The following SYCP2L variants were observed in gnomAD, a reference collection of about 807,000 sequenced individuals.
The protein encoded by SYCP2L is synaptonemal complex protein 2 like.
SYCP2L carries 98 observed loss-of-function variants against 125.8 expected under a neutral mutation model. That is an observed-to-expected ratio of 0.78 (90% CI 0.66 to 0.92). The LOEUF is 0.92. Among genes scored for constraint, SYCP2L ranks in the 40% least tolerant of loss-of-function variants. The pLI, the probability that SYCP2L is intolerant of heterozygous loss-of-function variation, is 0.00. For synonymous variants in SYCP2L, 317 were observed against 325.4 expected, an observed-to-expected ratio of 0.97 and a Z score of 0.28; for missense variants, 842 against 936.4, an observed-to-expected ratio of 0.90 and a Z score of 1.32.
At chr6:10,927,448 G>T (rs2113350742) in intron 17 of SYCP2L, 81 bp downstream of exon 17, 1 of 1,228,450 alleles carries the variant, frequency 8.1e-7, no homozygotes, top group East Asian at 2.5e-5. Context: ...AAATTTTAAA[G>T]TTGGGCATCC....
intron 23 of SYCP2L, among the ~76,000 whole-genome samples, chr6:10,953,400 T>G (rs1002138415): frequency 2.0e-5 from 3 of 152,198 alleles, no homozygotes; most frequent in Non-Finnish European, 2.9e-5. Flanking sequence ...TGGAACTTTT[T>G]TTTTTCTTAG....
intron 20 of SYCP2L, 137 bp from the exon 21 acceptor site, chr6:10,934,921 A>G: frequency 1.2e-6 from 1 of 807,716 alleles, no homozygotes; most frequent in Non-Finnish European, 1.8e-6. Context: ...AATTCTTAGT[A>G]GAATTAGCAT....
intron 14 of SYCP2L, among the ~76,000 whole-genome samples, chr6:10,921,427 C>T (rs1780798819): frequency 6.6e-6 from 1 of 152,134 alleles, no homozygotes; most frequent in Non-Finnish European, 1.5e-5. Flanking sequence ...AATGGTATTT[C>T]TTTCTCTAGG....
rs1439153169 is a variant in SYCP2L at position 10,907,816 on chromosome 6, G to T, written c.819+132G>T. ...TGATTACACTGCCATTCTTGAACTT[G>T]TTTCTCACTTAGGAGAAACAATTTG... On this transcript the variant is annotated intron_variant, in intron 10 of 29. Coordinates refer to ENST00000283141, the MANE Select transcript of SYCP2L (RefSeq NM_001040274.3). 81 of 739,456 alleles carry T rather than the reference G, an allele frequency of 1.1e-4. No homozygotes were observed. In the East Asian group the frequency reaches 2.3e-3, roughly 21 times the overall value. 45.8% of individuals were successfully genotyped at this position (739,456 alleles called of 1,614,324 possible).
At chr6:10,904,609 A>G (rs9393758) in intron 8 of SYCP2L, among the ~76,000 whole-genome samples, 23,007 of 152,216 alleles carry the variant, frequency 0.15, 2,178 homozygotes, top group Middle Eastern at 0.24. Context: ...TTTCAAACTA[A>G]TCTTTGAACA....
intron 23 of SYCP2L, among the ~76,000 whole-genome samples, chr6:10,947,803 C>T (rs78220997): frequency 0.024 from 3,659 of 152,114 alleles, 151 homozygotes; most frequent in East Asian, 0.2. Context: ...TGAAAATCTG[C>T]ATCCTTGTCT....
intron 14 of SYCP2L, among the ~76,000 whole-genome samples, chr6:10,923,020 GTCTTCATAA>G: frequency 6.6e-6 from 1 of 152,140 alleles, no homozygotes; most frequent in East Asian, 1.9e-4. Context: ...TGTGTACTGA[GTCTTCATAA>G]TCCGATGCGT....
Position 10,891,593 on chromosome 6 carries a change from G to A in SYCP2L, c.78+12G>A, listed in dbSNP as rs1005470478. 6.7e-7 allele frequency: 1 copy of A among 1,496,256 alleles called. No individual in the cohort carries two copies. Among genetic ancestry groups the A allele is most frequent in the Admixed American group, 1.7e-5 (1 of 58,236 alleles). 92.7% of individuals were successfully genotyped at this position (1,496,256 alleles called of 1,614,324 possible). On this transcript the variant is annotated intron_variant, in intron 2 of 29. Coordinates refer to ENST00000283141, the MANE Select transcript of SYCP2L (RefSeq NM_001040274.3). ...ATGATGCTTTCTGGGTAAAGATCAA[G>A]TTTCTTTTATAATCTCTCTCTGTGT...
At chr6:10,944,804 T>TTCAAGCGATTGAA (rs1262301295) in intron 23 of SYCP2L, among the ~76,000 whole-genome samples, 4 of 152,158 alleles carry the variant, frequency 2.6e-5, no homozygotes, top group South Asian at 2.1e-4. Context: ...AACCTCTGTC[T>TTCAAGCGATTGAA]CCCAGGTTCA....
chr6:10,907,687 G>A lies in SYCP2L; in HGVS notation c.819+3G>A. The A allele has an allele frequency of 6.2e-7, 1 of 1,611,946 alleles. No homozygotes were observed. Among genetic ancestry groups the A allele is most frequent in the South Asian group, 1.1e-5 (1 of 90,846 alleles). The stretch of plus-strand genomic sequence containing the variant: ...TTAAGGATCGAGAATTTGAGACGGT[G>A]AGATTCCTGGCCATGCGAATTTCTT... On this transcript the variant is annotated splice_donor_region_variant and intron_variant, in intron 10 of 29. Coordinates refer to ENST00000283141, the MANE Select transcript of SYCP2L (RefSeq NM_001040274.3).
At chr6:10,941,119 A>G (rs1443520420) in intron 21 of SYCP2L, among the ~76,000 whole-genome samples, 1 of 152,188 alleles carries the variant, frequency 6.6e-6, no homozygotes, top group Admixed American at 6.5e-5. Flanking sequence ...CTGAAACTGG[A>G]TCCCTTCCTT....
chr6:10,913,360 G>C (rs549039499), intron 14 of SYCP2L, among the ~76,000 whole-genome samples: 1 of 152,188 alleles, frequency 6.6e-6, no homozygotes, highest in African/African-American at 2.4e-5. Context: ...TGGCTGTCAG[G>C]AAATGAAGGT....
intron 4 of SYCP2L, among the ~76,000 whole-genome samples, chr6:10,896,972 G>C (rs1006819506): frequency 6.6e-6 from 1 of 152,124 alleles, no homozygotes; most frequent in African/African-American, 2.4e-5. Flanking sequence ...AGAGTTGTTC[G>C]TCAGAAACTC....
chr6:10,906,103 T>G (rs756119384), intron 9 of SYCP2L, 49 bp downstream of exon 9: 1 of 1,163,274 alleles, frequency 8.6e-7, no homozygotes, highest in African/African-American at 1.5e-5. Context: ...TATTGGACAC[T>G]GGGGGTTTTA....
intron 9 of SYCP2L, 87 bp from the exon 10 acceptor site, chr6:10,907,455 C>T: frequency 7.6e-7 from 1 of 1,312,658 alleles, no homozygotes; most frequent in South Asian, 1.6e-5. Context: ...GATGGAGTTT[C>T]TTAGAGCAAG....
chr6:10,926,166 G>T (rs1011954712), intron 15 of SYCP2L, among the ~76,000 whole-genome samples, 173 bp from the exon 16 acceptor site: 4 of 152,200 alleles, frequency 2.6e-5, no homozygotes, highest in African/African-American at 9.7e-5. Context: ...TAGGGAGGTG[G>T]GGCCTGGAGA....
intron 23 of SYCP2L, among the ~76,000 whole-genome samples, chr6:10,950,252 G>A (rs1781385956): frequency 6.6e-6 from 1 of 152,022 alleles, no homozygotes; most frequent in Non-Finnish European, 1.5e-5. Context: ...AATTTATTGG[G>A]GCTTATATTA....
At chr6:10,915,094 T>C (rs1314290910) in intron 14 of SYCP2L, among the ~76,000 whole-genome samples, 1 of 152,074 alleles carries the variant, frequency 6.6e-6, no homozygotes, top group Admixed American at 6.5e-5. Flanking sequence ...GTAAAAGGGG[T>C]TGAGTTCTTG....
chr6:10,926,781 CTTTT>C (rs774954530), intron 16 of SYCP2L, among the ~76,000 whole-genome samples: 3 of 136,430 alleles, frequency 2.2e-5, no homozygotes. Context: ...GATTTCTTTT[CTTTT>C]TTTTTTTTTT....
Sources: gnomAD v4.1 joint callset for allele counts (sites outside exome capture counted in the v4.1 genomes callset) on GRCh38, gnomAD v4.1.1 for gene constraint, MANE v1.5 for transcripts, NCBI Gene and HGNC (gene_info 2026-07-23, HGNC 2026-07-21) for gene names.